The following PCDHA5 variants were observed in gnomAD, a reference collection of about 807,000 sequenced individuals.
The protein encoded by PCDHA5 is protocadherin alpha 5.
A neutral mutation model predicts 61.6 loss-of-function variants in PCDHA5; 43 were observed. The observed-to-expected ratio is 0.70, with a 90% CI of 0.55 to 0.90. The LOEUF (loss-of-function observed/expected upper bound fraction) is 0.90. Ranked by LOEUF, PCDHA5 falls within the 40% of genes least tolerant of loss-of-function variation. The pLI, the probability that PCDHA5 is intolerant of heterozygous loss-of-function variation, is 0.00. For synonymous variants in PCDHA5, 627 were observed against 543.9 expected, an observed-to-expected ratio of 1.15 and a Z score of -2.13; for missense variants, 1,298 against 1,222.7, an observed-to-expected ratio of 1.06 and a Z score of -0.92.
chr5:140,992,017 CTGTGTGTGTG>C (rs10602499), intron 3 of PCDHA5, among the ~76,000 whole-genome samples: 1 of 145,512 alleles, frequency 6.9e-6, no homozygotes, highest in Non-Finnish European at 1.5e-5. Context: ...AGAGGTGGCT[CTGTGTGTGTG>C]TGTGTGTGTG....
intron 1 of PCDHA5, chr5:140,875,857 A>C: frequency 6.2e-7 from 1 of 1,614,124 alleles, no homozygotes; most frequent in Non-Finnish European, 8.5e-7. Context: ...CATTAACGAC[A>C]ACCCGCCGGT....
At chr5:140,990,429 C>A (rs2097393514) in intron 3 of PCDHA5, among the ~76,000 whole-genome samples, 1 of 152,144 alleles carries the variant, frequency 6.6e-6, no homozygotes, top group African/African-American at 2.4e-5. Context: ...CAGCATTGAC[C>A]CAATCTTGTG....
At chr5:140,929,057 C>T (rs17844370) in intron 1 of PCDHA5, 1 of 1,614,070 alleles carries the variant, frequency 6.2e-7, no homozygotes, top group Non-Finnish European at 8.5e-7. Flanking sequence ...TGTCGCTCTA[C>T]AGAGGATCTG....
At chr5:140,995,936 T>C (rs1554254905) in intron 3 of PCDHA5, among the ~76,000 whole-genome samples, 1 of 152,220 alleles carries the variant, frequency 6.6e-6, no homozygotes, top group Non-Finnish European at 1.5e-5. Context: ...AAGTATTAAA[T>C]GACATAATGC....
At chr5:141,009,169 C>T (rs782079623) in intron 3 of PCDHA5, among the ~76,000 whole-genome samples, 13 of 152,186 alleles carry the variant, frequency 8.5e-5, no homozygotes, top group Non-Finnish European at 1.3e-4. Flanking sequence ...TAAATACTGG[C>T]CTTGGCTGGG....
chr5:140,981,264 C>T (rs2096925155), intron 2 of PCDHA5, among the ~76,000 whole-genome samples: 1 of 152,128 alleles, frequency 6.6e-6, no homozygotes, highest in Non-Finnish European at 1.5e-5. Flanking sequence ...TCAAGATAAG[C>T]AAATGTCTAG....
chr5:140,879,310 T>A (rs541864795), intron 1 of PCDHA5, among the ~76,000 whole-genome samples: 1 of 152,296 alleles, frequency 6.6e-6, no homozygotes, highest in African/African-American at 2.4e-5. Context: ...AAAGTAGAAG[T>A]TGACTCTCAC....
intron 1 of PCDHA5, chr5:140,830,439 T>C (rs1771065522): frequency 1.9e-6 from 3 of 1,611,042 alleles, no homozygotes; most frequent in East Asian, 4.5e-5. Flanking sequence ...CCTATTATGA[T>C]GGGTAAGGCG....
chr5:140,836,240 C>T, intron 1 of PCDHA5: 4 of 1,613,780 alleles, frequency 2.5e-6, no homozygotes, highest in Non-Finnish European at 3.4e-6. Context: ...CCGGTGCGAG[C>T]ATCCCGTTCC....
intron 1 of PCDHA5, among the ~76,000 whole-genome samples, chr5:140,900,367 T>C (rs1554189080): frequency 6.6e-6 from 1 of 152,152 alleles, no homozygotes; most frequent in Non-Finnish European, 1.5e-5. Context: ...AACCTCTGCC[T>C]CCTGGGTTCA....
chr5:140,824,226 G>A (rs1441042535), intron 1 of PCDHA5, 99 bp downstream of exon 1: 2 of 1,550,438 alleles, frequency 1.3e-6, no homozygotes, highest in Admixed American at 3.4e-5. Context: ...TTATGTCTTA[G>A]TACACAAATA....
chr5:140,967,487 G>C, intron 1 of PCDHA5: 8 of 1,613,290 alleles, frequency 5.0e-6, no homozygotes, highest in Non-Finnish European at 6.8e-6. Context: ...CTCGGGTACG[G>C]CACAGATCTC....
rs70988781 is a variant in PCDHA5 at position 140,941,319 on chromosome 5, CTT to C, written c.2353-37616_2353-37615del. Among the ~76,000 whole-genome samples, 109 of 104,374 alleles carry C rather than the reference CTT, an allele frequency of 1.0e-3. 2 individuals are homozygous for C. Among genetic ancestry groups the C allele is most frequent in the East Asian group, 2.8e-3 (11 of 3,932 alleles). The allele number at this position is 104,374 out of a possible 152,430, so 68.5% of individuals were successfully genotyped here. A position where few individuals can be genotyped will look rare whatever the true frequency, so the allele number is the denominator to read the frequency against. ...TTCTTTCTTTCTTTTTCTTCTTTCT[CTT>C]TTTTTTTTTTTTTCAGATGGAGTCT... On this transcript the variant is annotated intron_variant, in intron 1 of 3. Coordinates refer to ENST00000529859, the MANE Select transcript of PCDHA5 (RefSeq NM_018908.3).
Position 140,850,862 on chromosome 5 carries a change from C to G in PCDHA5, c.2352+26735C>G, listed in dbSNP as rs2150500833. 5.6e-6 allele frequency: 9 copies of G among 1,592,960 alleles called. 1 individual carries two copies. In the South Asian group the frequency reaches 1.0e-4, roughly 18 times the overall value. Reference sequence around the variant, plus strand: ...GATCTACAGAGCGAACGGGAGAACCCTCTGCTTCCTCAGATTCAACTGGGA... The same window carrying G: ...GATCTACAGAGCGAACGGGAGAACCGTCTGCTTCCTCAGATTCAACTGGGA... On this transcript the variant is annotated intron_variant, in intron 1 of 3. Transcript: ENST00000529859.
intron 1 of PCDHA5, among the ~76,000 whole-genome samples, chr5:140,948,690 T>C (rs1241278993): frequency 6.6e-6 from 1 of 151,592 alleles, no homozygotes; most frequent in Non-Finnish European, 1.5e-5. Context: ...TTTTTGATAT[T>C]GGTGATTTGT....
intron 1 of PCDHA5, chr5:140,841,411 G>C: frequency 6.2e-7 from 1 of 1,613,088 alleles, no homozygotes; most frequent in Non-Finnish European, 8.5e-7. Flanking sequence ...GGAGCGGCCA[G>C]CTCCACTACT....
At chr5:140,938,727 G>GA (rs2092176789) in intron 1 of PCDHA5, among the ~76,000 whole-genome samples, 1 of 151,904 alleles carries the variant, frequency 6.6e-6, no homozygotes, top group South Asian at 2.1e-4. Flanking sequence ...CGTTTCTACA[G>GA]AAAAAAATAA....
At chr5:140,844,014 G>A (rs2150368262) in intron 1 of PCDHA5, among the ~76,000 whole-genome samples, 4 of 149,646 alleles carry the variant, frequency 2.7e-5, no homozygotes, top group Admixed American at 2.0e-4. Context: ...CTCTAAGGAC[G>A]TTCAGGGCAT....
At chr5:140,994,631 G>A (rs978359081) in intron 3 of PCDHA5, among the ~76,000 whole-genome samples, 1 of 152,106 alleles carries the variant, frequency 6.6e-6, no homozygotes, top group Non-Finnish European at 1.5e-5. Flanking sequence ...CTTGAACCTG[G>A]AAGGTGGAGG....
Sources: gnomAD v4.1 joint callset for allele counts (sites outside exome capture counted in the v4.1 genomes callset) on GRCh38, gnomAD v4.1.1 for gene constraint, MANE v1.5 for transcripts, NCBI Gene and HGNC (gene_info 2026-07-23, HGNC 2026-07-21) for gene names.